The following TBC1D4 variants were observed in gnomAD, a reference collection of about 807,000 sequenced individuals.
TBC1D4 encodes the protein TBC1 domain family member 4.
A neutral mutation model predicts 142.5 loss-of-function variants in TBC1D4; 121 were observed. The observed-to-expected ratio is 0.85, with a 90% CI of 0.73 to 0.99. The LOEUF (loss-of-function observed/expected upper bound fraction) is 0.99. Among genes scored for constraint, TBC1D4 ranks in the 50% least tolerant of loss-of-function variants. The pLI is 0.00. For synonymous variants in TBC1D4, 630 were observed against 628.2 expected (o/e 1.00, Z -0.04); for missense variants, 1,475 against 1,606.6 (o/e 0.92, Z 1.40).
intron 8 of TBC1D4, among the ~76,000 whole-genome samples, chr13:75,333,416 T>G (rs1879926058): frequency 6.6e-6 from 1 of 152,146 alleles, no homozygotes; most frequent in Non-Finnish European, 1.5e-5. Flanking sequence ...AAAAACACCC[T>G]GGGTGGGCTT....
chr13:75,341,734 G>A (rs1175498417), intron 5 of TBC1D4, 147 bp from the exon 6 acceptor site: 2 of 702,060 alleles, frequency 2.8e-6, no homozygotes, highest in Non-Finnish European at 5.1e-6. Context: ...AAGAAACCTT[G>A]GAATACTACA....
intron 1 of TBC1D4, among the ~76,000 whole-genome samples, chr13:75,419,551 T>G (rs769052251): frequency 1.3e-5 from 2 of 152,202 alleles, no homozygotes; most frequent in Non-Finnish European, 1.5e-5. Flanking sequence ...GGATAAATAC[T>G]CTTCTAACTC....
intron 13 of TBC1D4, among the ~76,000 whole-genome samples, chr13:75,311,486 C>T (rs1407746497): frequency 6.6e-6 from 1 of 151,870 alleles, no homozygotes; most frequent in Non-Finnish European, 1.5e-5. Flanking sequence ...ATACGTTTTA[C>T]TGTTGTTGTT....
intron 1 of TBC1D4, among the ~76,000 whole-genome samples, chr13:75,425,860 T>C (rs1226209987): frequency 6.6e-6 from 1 of 152,078 alleles, no homozygotes; most frequent in Admixed American, 6.5e-5. Context: ...TTCAGTTAGA[T>C]AGGAGGAACA....
At chr13:75,404,177 C>A (rs751141791) in intron 1 of TBC1D4, among the ~76,000 whole-genome samples, 1 of 151,838 alleles carries the variant, frequency 6.6e-6, no homozygotes, top group Admixed American at 6.6e-5. Flanking sequence ...AAAAAGATGG[C>A]GCAGTAAGAA....
chr13:75,317,723 TA>T (rs1173078040), intron 12 of TBC1D4, among the ~76,000 whole-genome samples: 1 of 152,188 alleles, frequency 6.6e-6, no homozygotes, highest in Non-Finnish European at 1.5e-5. Flanking sequence ...TTGACAAAGT[TA>T]AAAAATGAAT....
chr13:75,441,576 GA>G (rs1209874188), intron 1 of TBC1D4, among the ~76,000 whole-genome samples: 2 of 151,942 alleles, frequency 1.3e-5, no homozygotes, highest in Non-Finnish European at 2.9e-5. Context: ...GATTACTTTT[GA>G]AATCTAAAAA....
At chr13:75,371,390 A>C (rs543049769) in intron 1 of TBC1D4, among the ~76,000 whole-genome samples, 2 of 152,314 alleles carry the variant, frequency 1.3e-5, no homozygotes, top group African/African-American at 4.8e-5. Flanking sequence ...TCTAGGCCCA[A>C]GGAAGAGGTT....
Position 75,481,779 on chromosome 13 carries a change from C to G in TBC1D4, c.-12G>C, listed in dbSNP as rs761685969. 1 of 1,529,318 alleles carries G rather than the reference C, an allele frequency of 6.5e-7. No individual in the cohort carries two copies. Among genetic ancestry groups the G allele is most frequent in the South Asian group, 1.3e-5 (1 of 79,364 alleles). The allele number at this position is 1,529,318 out of a possible 1,614,324, so 94.7% of individuals were successfully genotyped here. ...CTGGGCGGCTCCATAACTCTCGCCT[C>G]ACCAGGGCACCGCGGAGGCCGGCCG... On this transcript the variant is annotated 5_prime_UTR_variant, in exon 1 of 21. Coordinates refer to ENST00000377636, the MANE Select transcript of TBC1D4 (RefSeq NM_014832.5).
intron 4 of TBC1D4, among the ~76,000 whole-genome samples, chr13:75,352,483 T>A (rs1461074322): frequency 2.6e-5 from 4 of 152,172 alleles, no homozygotes; most frequent in East Asian, 1.9e-4. Flanking sequence ...GCAGTCCACC[T>A]GTACTTTTTT....
chr13:75,367,076 A>G, intron 1 of TBC1D4: 1 of 703,546 alleles, frequency 1.4e-6, no homozygotes, highest in Non-Finnish European at 1.7e-6. Context: ...TATGCAGCCA[A>G]TTATAAAACT....
At position 75,327,873 on chromosome 13, in the gene TBC1D4, T is replaced by C. The variant is rs775175610; in HGVS notation, c.1732-47A>G. The C allele has an allele frequency of 1.9e-6, 3 of 1,595,014 alleles. No individual in the cohort carries two copies. In the South Asian group the frequency reaches 3.3e-5, roughly 18 times the overall value. ...AAGTGCTTCGTGTGATTTAAAATTT[T>C]ACTTCAAAACTATAAAAGGTAGTTC... On this transcript the variant is annotated intron_variant, in intron 8 of 20. Transcript: ENST00000377636.
intron 1 of TBC1D4, among the ~76,000 whole-genome samples, chr13:75,475,570 C>G (rs1888600504): frequency 6.6e-6 from 1 of 152,158 alleles, no homozygotes; most frequent in Non-Finnish European, 1.5e-5. Flanking sequence ...TTCTTAATAG[C>G]CAGTATACTA....
intron 1 of TBC1D4, among the ~76,000 whole-genome samples, chr13:75,473,173 A>AT (rs201883667): frequency 0.028 from 4,261 of 151,906 alleles, 198 homozygotes; most frequent in African/African-American, 0.096. Flanking sequence ...AATTTTTGCT[A>AT]TTTTTTTAGA....
At chr13:75,325,597 T>A (rs570501154) in intron 10 of TBC1D4, among the ~76,000 whole-genome samples, 1 of 152,346 alleles carries the variant, frequency 6.6e-6, no homozygotes, top group African/African-American at 2.4e-5. Flanking sequence ...AGCAACTTTT[T>A]GTTAAATTAT....
chr13:75,344,647 C>T (rs182859310), intron 5 of TBC1D4, among the ~76,000 whole-genome samples: 78 of 152,208 alleles, frequency 5.1e-4, no homozygotes, highest in Non-Finnish European at 8.8e-4. Flanking sequence ...CCTTCGATGC[C>T]ACCCCCTCAA....
chr13:75,326,367 T>C lies in TBC1D4; in HGVS notation c.1863A>G (p.Ser621=), dbSNP rs570486139. 5 of 1,614,122 alleles carry C rather than the reference T, an allele frequency of 3.1e-6. No individual in the cohort carries two copies. The South Asian group carries it at 4.4e-5, about 14-fold the overall frequency. ...PGTPPASPPS[S]AWQTFPEEDS... ...CCTCTTCGGGAAACGTTTGCCAAGC[T>C]GAGGACGGTGGGGACGCTGGCGGTG... The change falls in exon 10 of 21, where the codon TCA becomes TCG. Residue 621 remains serine, a synonymous_variant. Coordinates refer to ENST00000377636, the MANE Select transcript of TBC1D4 (RefSeq NM_014832.5).
At chr13:75,480,831 G>A (rs1227925775) in intron 1 of TBC1D4, among the ~76,000 whole-genome samples, 1 of 152,006 alleles carries the variant, frequency 6.6e-6, no homozygotes, top group Non-Finnish European at 1.5e-5. Context: ...GGACCTCTAG[G>A]AACCCAACCT....
At chr13:75,289,140 G>C in intron 19 of TBC1D4, 30 bp from the exon 20 acceptor site, 5 of 1,612,286 alleles carry the variant, frequency 3.1e-6, no homozygotes, top group Non-Finnish European at 4.2e-6. Flanking sequence ...GGTTAGGCTA[G>C]CCTTTGGTAT....
Sources: gnomAD v4.1 joint callset for allele counts (sites outside exome capture counted in the v4.1 genomes callset) on GRCh38, gnomAD v4.1.1 for gene constraint, MANE v1.5 for transcripts, NCBI Gene and HGNC (gene_info 2026-07-23, HGNC 2026-07-21) for gene names.